CYS1: variants seen among roughly 807,000 people sequenced by gnomAD.
CYS1 encodes the protein cystin-1.
In CYS1, 5 loss-of-function variants were observed where a neutral mutation model predicts 9.6. The ratio of observed to expected loss-of-function variants is 0.52; its 90% CI spans 0.27 to 1.10. CYS1 has a LOEUF of 1.10. Ranked by LOEUF, CYS1 falls within the 50% of genes least tolerant of loss-of-function variation. CYS1 has a pLI of 0.11. For missense variants in CYS1, 221 were observed against 207.9 expected, an observed-to-expected ratio of 1.06 and a Z score of -0.39; for synonymous variants, 88 against 95.7, an observed-to-expected ratio of 0.92 and a Z score of 0.47.
At chr2:10,072,950 C>T (rs1406084302) in intron 1 of CYS1, among the ~76,000 whole-genome samples, 3 of 135,936 alleles carry the variant, frequency 2.2e-5, no homozygotes, top group African/African-American at 8.4e-5. Flanking sequence ...GGGGTCTGCG[C>T]GGGGGAGCAG....
intron 2 of CYS1, among the ~76,000 whole-genome samples, chr2:10,064,682 C>T (rs1661671172): frequency 1.3e-5 from 2 of 151,888 alleles, no homozygotes; most frequent in African/African-American, 2.4e-5. Context: ...AACTCCTGTA[C>T]GTCCTTCAAG....
At chr2:10,065,146 C>A (rs1661678523) in intron 2 of CYS1, among the ~76,000 whole-genome samples, 1 of 152,212 alleles carries the variant, frequency 6.6e-6, no homozygotes. Flanking sequence ...CCGGCCCCTG[C>A]ACTGCAGCCC....
intron 1 of CYS1, among the ~76,000 whole-genome samples, chr2:10,075,193 T>A (rs1661826896): frequency 6.6e-6 from 1 of 152,068 alleles, no homozygotes; most frequent in Non-Finnish European, 1.5e-5. Context: ...CCACCCTTTG[T>A]CAACCGCTGG....
At chr2:10,065,995 C>T in intron 1 of CYS1, 39 bp from the exon 2 acceptor site, 1 of 1,612,492 alleles carries the variant, frequency 6.2e-7, no homozygotes, top group Non-Finnish European at 8.5e-7. Context: ...CAAAGATTGT[C>T]AACAGTGCAG....
In CYS1 at chr2:10,057,797, C is replaced by T. The variant is rs1661571537; in HGVS notation, c.*1056G>A. On this transcript the variant is annotated 3_prime_UTR_variant, in exon 3 of 3. Transcript: ENST00000381813. Reference sequence around the variant, plus strand: ...GCCACACCTGGGCCCAGGCTCCAGACCTGCCCGCCCACACAGGAGTCCCCT... The same window carrying T: ...GCCACACCTGGGCCCAGGCTCCAGATCTGCCCGCCCACACAGGAGTCCCCT... 6.6e-6 allele frequency: 1 copy of T among 152,490 alleles called. No individual in the cohort carries two copies. The highest frequency in any genetic ancestry group is 1.5e-5 in the Non-Finnish European group (1 of 68,298). 9.4% of individuals were successfully genotyped at this position (152,490 alleles called of 1,614,324 possible).
At chr2:10,073,720 A>G (rs991042466) in intron 1 of CYS1, among the ~76,000 whole-genome samples, 1 of 152,156 alleles carries the variant, frequency 6.6e-6, no homozygotes, top group African/African-American at 2.4e-5. Context: ...CCCCAGCCCT[A>G]TGGGACTCAA....
chr2:10,068,482 G>A (rs1343659442), intron 1 of CYS1, among the ~76,000 whole-genome samples: 3 of 152,218 alleles, frequency 2.0e-5, no homozygotes, highest in African/African-American at 7.2e-5. Flanking sequence ...GCACATAGCA[G>A]GCATCCCTGG....
In CYS1 at chr2:10,058,965, G is replaced by C; in HGVS notation, c.372-7C>G. On this transcript the variant is annotated splice_region_variant and splice_polypyrimidine_tract_variant and intron_variant, in intron 2 of 2. Transcript: ENST00000381813. ...GCGACCGCTGCCTGGGGCTCTGTGGGTCAGAAATGGGACAGGGCTGTCAGG... is the reference window on the plus strand; with the variant it reads ...GCGACCGCTGCCTGGGGCTCTGTGGCTCAGAAATGGGACAGGGCTGTCAGG... The C allele has an allele frequency of 6.4e-7, 1 of 1,573,576 alleles. No homozygotes were observed. The highest frequency in any genetic ancestry group is 8.6e-7 in the Non-Finnish European group (1 of 1,160,372).
intron 2 of CYS1, among the ~76,000 whole-genome samples, chr2:10,061,088 C>T (rs889668779): frequency 3.3e-5 from 5 of 152,118 alleles, no homozygotes; most frequent in Admixed American, 6.5e-5. Context: ...AAAAATTAGC[C>T]GGACATGGTG....
chr2:10,070,546 A>G (rs1199404336), intron 1 of CYS1, among the ~76,000 whole-genome samples: 2 of 152,084 alleles, frequency 1.3e-5, no homozygotes, highest in African/African-American at 4.8e-5. Flanking sequence ...GGGTTTTGCC[A>G]TGTTGGCCAG....
In CYS1 at chr2:10,063,645, G is replaced by T. The variant is rs2125287990; in HGVS notation, c.371+2259C>A. On this transcript the variant is annotated intron_variant, in intron 2 of 2. Transcript: ENST00000381813. The surrounding 1 kb of genome is among the most constrained non-coding windows in gnomAD (Gnocchi z 4.2). The stretch of plus-strand genomic sequence containing the variant: ...CTGGAGGGAGGAGATTGAAGGGCGG[G>T]ACACTGTTGCAGCCACAGGGTGAGG... Among the ~76,000 whole-genome samples, 1 of 152,304 alleles carries T rather than the reference G, an allele frequency of 6.6e-6. No homozygotes were observed. Among genetic ancestry groups the T allele is most frequent in the South Asian group, 2.1e-4 (1 of 4,826 alleles).
At chr2:10,074,985 G>A (rs1661822441) in intron 1 of CYS1, among the ~76,000 whole-genome samples, 1 of 152,174 alleles carries the variant, frequency 6.6e-6, no homozygotes, top group African/African-American at 2.4e-5. Flanking sequence ...GGTGGCACAT[G>A]CCTGTAGTCC....
intron 1 of CYS1, among the ~76,000 whole-genome samples, chr2:10,074,634 T>C (rs1661818144): frequency 6.6e-6 from 1 of 152,236 alleles, no homozygotes; most frequent in African/African-American, 2.4e-5. Context: ...TTACCTCTTC[T>C]AATTTTTAAA....
At chr2:10,077,915 G>A (rs1207961072) in intron 1 of CYS1, among the ~76,000 whole-genome samples, 4 of 152,088 alleles carry the variant, frequency 2.6e-5, no homozygotes, top group Non-Finnish European at 5.9e-5. Flanking sequence ...TTTGAAACCA[G>A]CCTGGCCATC....
intron 1 of CYS1, among the ~76,000 whole-genome samples, chr2:10,077,318 A>G (rs1020948161): frequency 6.6e-6 from 1 of 152,208 alleles, no homozygotes; most frequent in Non-Finnish European, 1.5e-5. Flanking sequence ...AACAAAACAT[A>G]ATATTCAGAA....
intron 1 of CYS1, among the ~76,000 whole-genome samples, chr2:10,068,944 C>A (rs1268115043): frequency 2.0e-5 from 3 of 152,130 alleles, no homozygotes; most frequent in Non-Finnish European, 4.4e-5. Context: ...CACCTCTAAT[C>A]CCAGCTACTG....
At position 10,080,356 on chromosome 2, in the gene CYS1, G is replaced by C; in HGVS notation, c.-133C>G. 6.9e-6 allele frequency: 3 copies of C among 437,056 alleles called. No individual in the cohort carries two copies. Among genetic ancestry groups the C allele is most frequent in the Non-Finnish European group, 6.1e-6 (2 of 327,152 alleles). The allele number at this position is 437,056 out of a possible 1,614,324, so 27.1% of individuals were successfully genotyped here. A position where few individuals can be genotyped will look rare whatever the true frequency, so the allele number is the denominator to read the frequency against. Reference sequence around the variant, plus strand: ...GGGGCGAGGTCCGGGAAGCGACCGCGGCCAGGGGCTAGGGTTCCCGGGCGG... The same window carrying C: ...GGGGCGAGGTCCGGGAAGCGACCGCCGCCAGGGGCTAGGGTTCCCGGGCGG... On this transcript the variant is annotated 5_prime_UTR_variant, in exon 1 of 3. Transcript: ENST00000381813. The surrounding 1 kb of genome is among the most constrained non-coding windows in gnomAD (Gnocchi z 6.4).
chr2:10,074,368 A>T (rs1661814722), intron 1 of CYS1, among the ~76,000 whole-genome samples: 1 of 152,168 alleles, frequency 6.6e-6, no homozygotes, highest in South Asian at 2.1e-4. Context: ...CTTGCTTGTC[A>T]AACTCAGTGG....
intron 2 of CYS1, among the ~76,000 whole-genome samples, chr2:10,061,729 G>T (rs1450097959): frequency 1.3e-5 from 2 of 152,242 alleles, no homozygotes; most frequent in African/African-American, 4.8e-5. Flanking sequence ...TCCTGGGTCT[G>T]TGAGAGGTCA....
Sources: gnomAD v4.1 joint callset for allele counts (sites outside exome capture counted in the v4.1 genomes callset) on GRCh38, gnomAD v4.1.1 for gene constraint, Gnocchi (gnomAD v3.1) non-coding constraint, MANE v1.5 for transcripts, NCBI Gene and HGNC (gene_info 2026-07-23, HGNC 2026-07-21) for gene names.